Variants in TAFA4 observed in about 807,000 individuals in gnomAD.
TAFA4 encodes TAFA chemokine like family member 4.
In TAFA4, 20 loss-of-function variants were observed where a neutral mutation model predicts 21.1. That is an observed-to-expected ratio of 0.95 (90% CI 0.67 to 1.38). The LOEUF (loss-of-function observed/expected upper bound fraction) is 1.38. TAFA4 is among the 40% of genes most tolerant of loss of function. The pLI, the probability that TAFA4 is intolerant of heterozygous loss-of-function variation, is 0.00. For synonymous variants in TAFA4, 71 were observed against 67.4 expected, an observed-to-expected ratio of 1.05 and a Z score of -0.26; for missense variants, 211 against 180.9, an observed-to-expected ratio of 1.17 and a Z score of -0.95.
At chr3:68,803,216 A>T (rs1357501454) in intron 3 of TAFA4, among the ~76,000 whole-genome samples, 1 of 152,184 alleles carries the variant, frequency 6.6e-6, no homozygotes, top group Non-Finnish European at 1.5e-5. Context: ...AATGCTTATT[A>T]TGTTCTGTGC....
chr3:68,793,566 T>C (rs543722965), intron 3 of TAFA4, among the ~76,000 whole-genome samples: 1 of 152,318 alleles, frequency 6.6e-6, no homozygotes, highest in East Asian at 1.9e-4. Flanking sequence ...CAACAGAGCA[T>C]TAAAAACACT....
intron 3 of TAFA4, among the ~76,000 whole-genome samples, chr3:68,768,462 T>A (rs1702896098): frequency 6.6e-6 from 1 of 152,030 alleles, no homozygotes; most frequent in Non-Finnish European, 1.5e-5. Flanking sequence ...AATGCATGGA[T>A]GTGGAGAAAA....
At chr3:68,798,119 T>A (rs1413494839) in intron 3 of TAFA4, among the ~76,000 whole-genome samples, 1 of 152,200 alleles carries the variant, frequency 6.6e-6, no homozygotes, top group Non-Finnish European at 1.5e-5. Context: ...ACGATCCTGT[T>A]TTTATTAAAA....
chr3:68,750,783 G>T (rs1433785657), intron 4 of TAFA4, among the ~76,000 whole-genome samples: 1 of 152,188 alleles, frequency 6.6e-6, no homozygotes, highest in Non-Finnish European at 1.5e-5. Context: ...AAAAGAGTTT[G>T]TTAGAAGACA....
Position 68,882,769 on chromosome 3 carries a change from G to A in TAFA4, c.15-1924C>T, listed in dbSNP as rs141417589. ...CATCTAGAACTCAGGTAAGATCCAC[G>A]TATTATTTTCTTTGCCACCTTTCAA... is the stretch of plus-strand genomic sequence containing the variant. On this transcript the variant is annotated intron_variant, in intron 2 of 5. Coordinates refer to ENST00000295569, the MANE Select transcript of TAFA4 (RefSeq NM_182522.5). Among the ~76,000 whole-genome samples, 776 of 152,268 alleles carry A rather than the reference G, an allele frequency of 5.1e-3. 38 individuals are homozygous for A. The South Asian group carries it at 0.098, about 19-fold the overall frequency.
intron 3 of TAFA4, among the ~76,000 whole-genome samples, chr3:68,766,431 C>T (rs934357839): frequency 1.3e-5 from 2 of 152,018 alleles, no homozygotes; most frequent in Non-Finnish European, 2.9e-5. Context: ...AACCTTTCTG[C>T]TATGATACTT....
intron 3 of TAFA4, among the ~76,000 whole-genome samples, chr3:68,846,633 G>T (rs1464787522): frequency 6.6e-6 from 1 of 152,092 alleles, no homozygotes; most frequent in Non-Finnish European, 1.5e-5. Flanking sequence ...TTTTGCACTG[G>T]TTTTTTCCTC....
At chr3:68,823,429 C>T (rs948414656) in intron 3 of TAFA4, among the ~76,000 whole-genome samples, 1 of 151,996 alleles carries the variant, frequency 6.6e-6, no homozygotes, top group South Asian at 2.1e-4. Context: ...GTTTTGAGGC[C>T]TGCTACAAGA....
At chr3:68,930,902 C>A (rs544370207) in intron 1 of TAFA4, among the ~76,000 whole-genome samples, 18 of 152,228 alleles carry the variant, frequency 1.2e-4, no homozygotes, top group African/African-American at 4.1e-4. Context: ...AATGGCTGTT[C>A]CTAAATTATT....
At chr3:68,864,056 T>C (rs1171531938) in intron 3 of TAFA4, among the ~76,000 whole-genome samples, 1 of 150,924 alleles carries the variant, frequency 6.6e-6, no homozygotes, top group African/African-American at 2.4e-5. Flanking sequence ...CAAATATTTC[T>C]AAGACACCGA....
At chr3:68,904,760 A>T (rs1241100439) in intron 1 of TAFA4, among the ~76,000 whole-genome samples, 1 of 152,200 alleles carries the variant, frequency 6.6e-6, no homozygotes, top group Non-Finnish European at 1.5e-5. Context: ...CCATTTATTT[A>T]TCAACTCCTC....
At chr3:68,865,455 A>T (rs2089404727) in intron 3 of TAFA4, among the ~76,000 whole-genome samples, 1 of 151,994 alleles carries the variant, frequency 6.6e-6, no homozygotes, top group Non-Finnish European at 1.5e-5. Flanking sequence ...ATAGTGAGTA[A>T]GTCTCACGAG....
intron 1 of TAFA4, among the ~76,000 whole-genome samples, chr3:68,899,973 C>G (rs2089828045): frequency 6.6e-6 from 1 of 151,734 alleles, no homozygotes; most frequent in Non-Finnish European, 1.5e-5. Flanking sequence ...GGCATGGTAG[C>G]TCACACCTGT....
At chr3:68,816,735 A>C (rs1341742348) in intron 3 of TAFA4, among the ~76,000 whole-genome samples, 1 of 152,128 alleles carries the variant, frequency 6.6e-6, no homozygotes, top group Non-Finnish European at 1.5e-5. Flanking sequence ...AGACCACCAG[A>C]ATAGAGCAAA....
chr3:68,805,569 C>T (rs371938436), intron 3 of TAFA4, among the ~76,000 whole-genome samples: 39 of 152,128 alleles, frequency 2.6e-4, no homozygotes, highest in African/African-American at 3.1e-4. Flanking sequence ...TGTCCAACAA[C>T]GATAGACTGG....
intron 3 of TAFA4, among the ~76,000 whole-genome samples, chr3:68,758,763 G>T (rs947691617): frequency 1.9e-4 from 29 of 152,202 alleles, no homozygotes; most frequent in Non-Finnish European, 3.2e-4. Context: ...CCTGATGGCA[G>T]AAAATAAGGA....
In TAFA4 at chr3:68,880,864, T is replaced by G. The variant is rs377392286; in HGVS notation, c.15-19A>C. ...TCTCATCCTGGAGGAAAAGCAGGGC[T>G]GGAGTCAGTGAGGGCTGAGGAAGGC... On this transcript the variant is annotated intron_variant, in intron 2 of 5. Transcript: ENST00000295569. The G allele has an allele frequency of 2.5e-6, 4 of 1,605,640 alleles. No homozygotes were observed. The African/African-American group carries it at 4.0e-5, about 16-fold the overall frequency.
chr3:68,932,191 C>A (rs941885947), intron 1 of TAFA4, 49 bp downstream of exon 1: 2 of 152,010 alleles, frequency 1.3e-5, no homozygotes, highest in Non-Finnish European at 2.9e-5. Context: ...TCCAAATCCA[C>A]CCCCACCCCA....
At chr3:68,888,858 C>T (rs114353890) in intron 1 of TAFA4, among the ~76,000 whole-genome samples, 1,687 of 151,812 alleles carry the variant, frequency 0.011, 34 homozygotes, top group African/African-American at 0.039. Context: ...CCTAATCCAC[C>T]TCTTCATAAT....
Sources: gnomAD v4.1 joint callset for allele counts (sites outside exome capture counted in the v4.1 genomes callset) on GRCh38, gnomAD v4.1.1 for gene constraint, MANE v1.5 for transcripts, NCBI Gene and HGNC (gene_info 2026-07-23, HGNC 2026-07-21) for gene names.